RBM5: variants seen among roughly 807,000 people sequenced by gnomAD.
The protein encoded by RBM5 is RNA binding motif protein 5.
RBM5 carries 15 observed loss-of-function variants against 124.6 expected under a neutral mutation model. That is an observed-to-expected ratio of 0.12 (90% confidence interval 0.08 to 0.19). RBM5 has a LOEUF of 0.19. RBM5 is among the 10% of genes least tolerant of loss of function. RBM5 has a pLI of 1.00. For synonymous variants in RBM5, 337 were observed against 361.2 expected (o/e 0.93, Z 0.76); for missense variants, 580 against 1,026.5 (o/e 0.57, Z 5.94).
rs188484883 is a variant in RBM5 at position 50,118,702 on chromosome 3, T to C, written c.*246T>C. The C allele has an allele frequency of 3.2e-5, 18 of 559,420 alleles. 1 individual carries two copies. The East Asian group carries it at 5.3e-4, about 17-fold the overall frequency. 34.7% of individuals were successfully genotyped at this position (559,420 alleles called of 1,614,324 possible). A position where few individuals can be genotyped will look rare whatever the true frequency, so the allele number is the denominator to read the frequency against. On this transcript the variant is annotated 3_prime_UTR_variant, in exon 25 of 25. Transcript: ENST00000347869. Reference sequence around the variant, plus strand: ...ACCGGAGAGGACAGTGGATTGTTTATACTCCAGTGTACATAGTGTAATGTA... The same window carrying C: ...ACCGGAGAGGACAGTGGATTGTTTACACTCCAGTGTACATAGTGTAATGTA...
In RBM5 at chr3:50,100,500, G is replaced by A; in HGVS notation, c.410-32G>A. 6.4e-7 allele frequency: 1 copy of A among 1,560,284 alleles called. No homozygotes were observed. The highest frequency in any genetic ancestry group is 1.4e-5 in the African/African-American group (1 of 73,816). ...GTTATAAAGGAACTGACTAACACAA[G>A]TATCCCGTCTATATCTGAATGCTGT... On this transcript the variant is annotated intron_variant, in intron 5 of 24. Coordinates refer to ENST00000347869, the MANE Select transcript of RBM5 (RefSeq NM_005778.4). The surrounding 1 kb of genome is among the most constrained non-coding windows in gnomAD (Gnocchi z 5.1).
chr3:50,114,211 C>G lies in RBM5; in HGVS notation c.1799C>G (p.Pro600Arg). The change falls in exon 20 of 25, where the codon CCA becomes CGA. Residue 600 changes from proline (P) to arginine (R), a missense_variant. This residue lies in a region of RBM5 where 234 missense variants were observed against 435.1 expected (regional missense o/e 0.54). Coordinates refer to ENST00000347869, the MANE Select transcript of RBM5 (RefSeq NM_005778.4). ...GALAERQQLIPELVRNGDEEN... is the reference protein window; with the variant it reads ...GALAERQQLIRELVRNGDEEN... ...TTAGCTGAAAGGCAGCAGCTCATCCCAGAATTGGTGCGAAATGGAGATGAG... is the reference window on the plus strand; with the variant it reads ...TTAGCTGAAAGGCAGCAGCTCATCCGAGAATTGGTGCGAAATGGAGATGAG... 1 of 1,612,574 alleles carries G rather than the reference C, an allele frequency of 6.2e-7. No homozygotes were observed. Among genetic ancestry groups the G allele is most frequent in the Non-Finnish European group, 8.5e-7 (1 of 1,179,656 alleles).
rs142022998 is a variant in RBM5 at position 50,113,461 on chromosome 3, A to G, written c.1534A>G (p.Ser512Gly). ...KETYVPAAESSSHQQSGLPPA... is the reference protein window; with the variant it reads ...KETYVPAAESGSHQQSGLPPA... ...GACCTACGTGCCAGCTGCAGAGTCTAGCTCCCACCAGCAGTCGGGCCTGCC... is the reference window on the plus strand; with the variant it reads ...GACCTACGTGCCAGCTGCAGAGTCTGGCTCCCACCAGCAGTCGGGCCTGCC... Residue 512 changes from serine (S) to glycine (G), a missense_variant, in exon 18 of 25, where the codon AGC becomes GGC. By Grantham distance (56) the Ser-to-Gly change is moderately conservative. Around this residue, in one of 6 missense-constraint regions of RBM5, gnomAD observed 234 missense variants for 435.1 expected, o/e 0.54. Transcript: ENST00000347869. The G allele has an allele frequency of 2.5e-6, 4 of 1,614,016 alleles. No individual in the cohort carries two copies. In the African/African-American group the frequency reaches 5.3e-5, roughly 22 times the overall value.
chr3:50,094,758 G>C (rs566231485), intron 4 of RBM5, among the ~76,000 whole-genome samples: 1 of 152,154 alleles, frequency 6.6e-6, no homozygotes. Flanking sequence ...TTTTCCACTT[G>C]TTGTGTCATG....
In RBM5 at chr3:50,109,590, T is replaced by C; in HGVS notation, c.1193-13T>C. The C allele has an allele frequency of 1.2e-6, 2 of 1,611,340 alleles. No homozygotes were observed. The highest frequency in any genetic ancestry group is 1.7e-6 in the Non-Finnish European group (2 of 1,177,452). On this transcript the variant is annotated splice_polypyrimidine_tract_variant and intron_variant, in intron 14 of 24. Coordinates refer to ENST00000347869, the MANE Select transcript of RBM5 (RefSeq NM_005778.4). ...GTGCCTTGGCTTTCCCTAACACTTG[T>C]GTTTATCATCAGGCACAGCAGTGAC...
intron 11 of RBM5, 66 bp downstream of exon 11, chr3:50,106,930 A>T: frequency 7.6e-7 from 1 of 1,319,108 alleles, no homozygotes; most frequent in Non-Finnish European, 1.1e-6. Flanking sequence ...GTGCTAACTG[A>T]ACGCCAAGCC....
At chr3:50,107,612 T>C in intron 12 of RBM5, 43 bp downstream of exon 12, 1 of 1,383,860 alleles carries the variant, frequency 7.2e-7, no homozygotes, top group Non-Finnish European at 1.0e-6. Flanking sequence ...GTGGTGGTGG[T>C]GCCCAGATTC....
At chr3:50,102,201 C>G (rs2090953511) in intron 6 of RBM5, 2 of 151,614 alleles carry the variant, frequency 1.3e-5, no homozygotes, top group African/African-American at 4.8e-5. Flanking sequence ...AAAAGATGCT[C>G]CTGTTAAATG....
In RBM5 at chr3:50,100,713, A is replaced by T; in HGVS notation, c.483+108A>T. On this transcript the variant is annotated intron_variant, in intron 6 of 24. Coordinates refer to ENST00000347869, the MANE Select transcript of RBM5 (RefSeq NM_005778.4). This position sits in a 1 kb window ranked among gnomAD's most constrained non-coding sequence, Gnocchi z 5.1. ...GTTCCAAAGGAGTGACTTTTTTTTA[A>T]AAAAAAAGCTTTGTATATATTAAAA... is the stretch of plus-strand genomic sequence containing the variant. 1 of 830,044 alleles carries T rather than the reference A, an allele frequency of 1.2e-6. No homozygotes were observed. The highest frequency in any genetic ancestry group is 1.9e-6 in the Non-Finnish European group (1 of 539,284). 51.4% of individuals were successfully genotyped at this position (830,044 alleles called of 1,614,324 possible). A position where few individuals can be genotyped will look rare whatever the true frequency, so the allele number is the denominator to read the frequency against.
At chr3:50,104,090 C>T (rs1340192960) in intron 7 of RBM5, among the ~76,000 whole-genome samples, 158 bp from the exon 8 acceptor site, 2 of 152,180 alleles carry the variant, frequency 1.3e-5, no homozygotes, top group Non-Finnish European at 2.9e-5. Context: ...AACAGTGTTA[C>T]ATTCTGAATT....
chr3:50,095,323 A>G (rs1424823482), intron 4 of RBM5, among the ~76,000 whole-genome samples: 1 of 152,210 alleles, frequency 6.6e-6, no homozygotes, highest in African/African-American at 2.4e-5. Context: ...GATAATCAAT[A>G]TATTTTTATT....
intron 9 of RBM5, 136 bp downstream of exon 9, chr3:50,105,278 C>T (rs1427490262): frequency 1.4e-6 from 1 of 716,788 alleles, no homozygotes; most frequent in Non-Finnish European, 2.2e-6. Flanking sequence ...TGTGGTGGCA[C>T]ACACCTGTAA....
chr3:50,110,689 C>T lies in RBM5; in HGVS notation c.1374C>T (p.Asp458=). The change falls in exon 17 of 25, where the codon GAC becomes GAT. Residue 458 remains aspartate (D), a synonymous_variant. Transcript: ENST00000347869. ...ATTTTGTTTTTGCAGCAGTACCTGA[C>T]ACGTCCACTTACCAGTATGATGAAT... ...VVPGTKYAVP[D]TSTYQYDESS... 6.2e-7 allele frequency: 1 copy of T among 1,612,780 alleles called. No individual in the cohort carries two copies. Among genetic ancestry groups the T allele is most frequent in the Non-Finnish European group, 8.5e-7 (1 of 1,179,150 alleles).
intron 17 of RBM5, 167 bp downstream of exon 17, chr3:50,110,937 A>G (rs2091132237): frequency 1.7e-6 from 1 of 596,178 alleles, no homozygotes; most frequent in Admixed American, 3.4e-5. Flanking sequence ...GTAAGTTTTA[A>G]TTGTAGGGTT....
chr3:50,115,674 C>G, intron 21 of RBM5, 67 bp downstream of exon 21: 1 of 1,528,756 alleles, frequency 6.5e-7, no homozygotes, highest in South Asian at 1.3e-5. Flanking sequence ...AGTGCCCTAA[C>G]AGTCCTGACG....
rs2090922146 is a variant in RBM5 at position 50,100,728 on chromosome 3, A to G, written c.483+123A>G. ...CTTTTTTTTAAAAAAAAAGCTTTGT[A>G]TATATTAAAATTGATGTTACTAGAA... On this transcript the variant is annotated intron_variant, in intron 6 of 24. Coordinates refer to ENST00000347869, the MANE Select transcript of RBM5 (RefSeq NM_005778.4). The surrounding 1 kb of genome is among the most constrained non-coding windows in gnomAD (Gnocchi z 5.1). 6 of 688,098 alleles carry G rather than the reference A, an allele frequency of 8.7e-6. No homozygotes were observed. The highest frequency in any genetic ancestry group is 9.4e-6 in the Non-Finnish European group (4 of 423,780). The allele number at this position is 688,098 out of a possible 1,614,324, so 42.6% of individuals were successfully genotyped here.
rs780479155 is a variant in RBM5 at position 50,108,107 on chromosome 3, A to C, written c.1079A>C (p.Tyr360Ser). ...GAAGGAGGCAGTGTTGACTACAGTT[A>C]TCTGCAACCAGGTCAAGATGGCTAT... ...SGEGGSVDYS[Y>S]LQPGQDGYAQ... The change falls in exon 13 of 25, where the codon TAT becomes TCT. Residue 360 changes from tyrosine to serine, a missense_variant. By Grantham distance (144) the Tyr-to-Ser change is moderately radical (BLOSUM62 -2). Coordinates refer to ENST00000347869, the MANE Select transcript of RBM5 (RefSeq NM_005778.4). 122 of 1,611,778 alleles carry C rather than the reference A, an allele frequency of 7.6e-5. No homozygotes were observed. Among genetic ancestry groups the C allele is most frequent in the Non-Finnish European group, 9.9e-5 (117 of 1,178,000 alleles).
intron 18 of RBM5, among the ~76,000 whole-genome samples, 176 bp downstream of exon 18, chr3:50,113,720 A>T (rs1474621676): frequency 6.6e-6 from 1 of 152,236 alleles, no homozygotes; most frequent in Non-Finnish European, 1.5e-5. Context: ...CTTGACTGTC[A>T]GCCTGTGTAC....
chr3:50,093,609 T>G (rs1575299317), intron 3 of RBM5, 111 bp from the exon 4 acceptor site: 3 of 1,191,234 alleles, frequency 2.5e-6, no homozygotes, highest in South Asian at 3.2e-5. Flanking sequence ...TACCATGGAG[T>G]GCTTGTGTAA....
Sources: allele counts gnomAD v4.1 joint callset (sites outside exome capture counted in the v4.1 genomes callset), GRCh38; gene constraint gnomAD v4.1.1; regional missense constraint gnomAD v4.1.1; non-coding constraint Gnocchi (gnomAD v3.1); transcripts MANE v1.5; gene names NCBI Gene and HGNC (gene_info 2026-07-23, HGNC 2026-07-21).